SCUBE2: variants seen among roughly 807,000 people sequenced by gnomAD.
The protein encoded by SCUBE2 is signal peptide, CUB domain and EGF like domain containing 2.
In SCUBE2, 114 loss-of-function variants were observed where a neutral mutation model predicts 125.9. That is an observed-to-expected ratio of 0.91 (90% CI 0.78 to 1.06). The LOEUF is 1.06. Among genes scored for constraint, SCUBE2 ranks in the 50% least tolerant of loss-of-function variants. SCUBE2 has a pLI of 0.00. For missense variants in SCUBE2, 1,255 were observed against 1,301.8 expected, an observed-to-expected ratio of 0.96 and a Z score of 0.55; for synonymous variants, 459 against 492.9, an observed-to-expected ratio of 0.93 and a Z score of 0.91.
At chr11:9,067,674 T>A (rs1860376922) in intron 5 of SCUBE2, among the ~76,000 whole-genome samples, 1 of 152,200 alleles carries the variant, frequency 6.6e-6, no homozygotes, top group Non-Finnish European at 1.5e-5. Flanking sequence ...GTTTTTTTCT[T>A]TGTTAATTCC....
intron 14 of SCUBE2, among the ~76,000 whole-genome samples, chr11:9,049,512 C>G (rs1296543914): frequency 1.3e-5 from 2 of 152,160 alleles, no homozygotes; most frequent in Admixed American, 6.5e-5. Context: ...TCCCAAAGTG[C>G]TGAGATTACA....
At chr11:9,039,252 G>A (rs901885977) in intron 16 of SCUBE2, among the ~76,000 whole-genome samples, 3 of 125,074 alleles carry the variant, frequency 2.4e-5, no homozygotes, top group African/African-American at 8.2e-5. Flanking sequence ...TAGAGATGAC[G>A]GTGGCTTGAA....
intron 16 of SCUBE2, among the ~76,000 whole-genome samples, chr11:9,040,843 A>T (rs1857174494): frequency 6.6e-6 from 1 of 152,194 alleles, no homozygotes; most frequent in Non-Finnish European, 1.5e-5. Flanking sequence ...AAAACTTACA[A>T]ATTGTTTATT....
In SCUBE2 at chr11:9,055,915, A is replaced by G. The variant is rs1171476469; in HGVS notation, c.1091-6T>C. ...CAAAGAGCACTCATCCACATCTGTA[A>G]TGGTCAAAGGGAGAGGGGAGCTGAA... is the stretch of plus-strand genomic sequence containing the variant. On this transcript the variant is annotated splice_region_variant and splice_polypyrimidine_tract_variant and intron_variant, in intron 9 of 22. Coordinates refer to ENST00000649792, the MANE Select transcript of SCUBE2 (RefSeq NM_001367977.2). 6.2e-7 allele frequency: 1 copy of G among 1,611,808 alleles called. No individual in the cohort carries two copies.
At position 9,055,853 on chromosome 11, in the gene SCUBE2, CA is replaced by C; in HGVS notation, c.1146del (p.Gly383AlafsTer37). ...CGGTTGCAAGCACAAGCAAATGTGC[CA>C]GGGTGGTTGATGCAGCTGTGGTCAC... is the stretch of plus-strand genomic sequence containing the variant. ...RTCDHSCINHPGTFACACNRG... is the reference protein window; with the variant it reads ...RTCDHSCINHXGTFACACNRG... On this transcript the variant is annotated frameshift_variant, in exon 10 of 23. Transcript: ENST00000649792. LOFTEE classifies it high-confidence loss of function. The C allele has an allele frequency of 6.2e-7, 1 of 1,614,176 alleles. No homozygotes were observed. Among genetic ancestry groups the C allele is most frequent in the South Asian group, 1.1e-5 (1 of 91,076 alleles).
chr11:9,055,829 G>T lies in SCUBE2; in HGVS notation c.1171C>A (p.Arg391=), dbSNP rs545434500. 3 of 1,614,142 alleles carry T rather than the reference G, an allele frequency of 1.9e-6. No individual in the cohort carries two copies. Among genetic ancestry groups the T allele is most frequent in the Non-Finnish European group, 2.5e-6 (3 of 1,180,022 alleles). The change falls in exon 10 of 23, where the codon CGA becomes AGA. Residue 391 remains arginine (R), a synonymous_variant. Coordinates refer to ENST00000649792, the MANE Select transcript of SCUBE2 (RefSeq NM_001367977.2). Reference sequence around the variant, plus strand: ...GTGAAGCCATACAGGGTGTACCCTCGGTTGCAAGCACAAGCAAATGTGCCA... The same window carrying T: ...GTGAAGCCATACAGGGTGTACCCTCTGTTGCAAGCACAAGCAAATGTGCCA... ...HPGTFACACN[R]GYTLYGFTHC...
intron 14 of SCUBE2, 46 bp from the exon 15 acceptor site, chr11:9,048,144 A>G (rs774532909): frequency 6.4e-7 from 1 of 1,566,812 alleles, no homozygotes; most frequent in South Asian, 1.2e-5. Context: ...CTGGCAAAGC[A>G]CTCAGCTGAA....
chr11:9,060,256 C>T (rs1407807575), intron 8 of SCUBE2, 152 bp downstream of exon 8: 2 of 607,906 alleles, frequency 3.3e-6, no homozygotes, highest in Non-Finnish European at 5.9e-6. Flanking sequence ...TCCACTAGCC[C>T]AGGGGGAAAA....
At chr11:9,022,888 G>A (rs1855427301) in intron 21 of SCUBE2, 1 of 151,766 alleles carries the variant, frequency 6.6e-6, no homozygotes, top group Non-Finnish European at 1.5e-5. Flanking sequence ...CTCTATTCTT[G>A]TATTATGTAA....
intron 2 of SCUBE2, among the ~76,000 whole-genome samples, chr11:9,081,396 CTA>C (rs1263703302): frequency 6.6e-6 from 1 of 151,888 alleles, no homozygotes; most frequent in Non-Finnish European, 1.5e-5. Flanking sequence ...CTTTCTGACT[CTA>C]TGATTTTGAC....
At chr11:9,043,977 G>C (rs1215461830) in intron 16 of SCUBE2, among the ~76,000 whole-genome samples, 2 of 152,194 alleles carry the variant, frequency 1.3e-5, no homozygotes, top group Non-Finnish European at 2.9e-5. Flanking sequence ...CAAGTTCTTT[G>C]AGTCGGCCAT....
In SCUBE2 at chr11:9,048,104, T is replaced by C. The variant is rs1289682489; in HGVS notation, c.1640-6A>G. 6.3e-7 allele frequency: 1 copy of C among 1,598,664 alleles called. No individual in the cohort carries two copies. The highest frequency in any genetic ancestry group is 2.2e-5 in the East Asian group (1 of 44,688). On this transcript the variant is annotated splice_region_variant and splice_polypyrimidine_tract_variant and intron_variant, in intron 14 of 22. Transcript: ENST00000649792. Reference sequence around the variant, plus strand: ...TTTTACTGAGCTGTGCTTCTCTGTATGAAGAAACAAAATTATCGGAAGCCA... The same window carrying C: ...TTTTACTGAGCTGTGCTTCTCTGTACGAAGAAACAAAATTATCGGAAGCCA...
At chr11:9,067,871 C>T (rs1199779282) in intron 5 of SCUBE2, among the ~76,000 whole-genome samples, 69 of 145,152 alleles carry the variant, frequency 4.8e-4, no homozygotes, top group African/African-American at 1.6e-3. Flanking sequence ...CCCCCCGCCC[C>T]CTTCAGCAAC....
In SCUBE2 at chr11:9,079,395, T is replaced by C; in HGVS notation, c.371A>G (p.His124Arg). 2.5e-6 allele frequency: 4 copies of C among 1,614,072 alleles called. No homozygotes were observed. Among genetic ancestry groups the C allele is most frequent in the South Asian group, 1.1e-5 (1 of 91,068 alleles). ...FDGFMLAHDG[H>R]NCLDVDECLE... ...AATGCCTTCCTTACCAAGACAATTA[T>C]GACCGTCATGAGCCAACATGAAGCC... Residue 124 changes from histidine to arginine, a missense_variant, in exon 3 of 23, where the codon CAT becomes CGT. His to Arg is a conservative substitution (Grantham distance 29). Around this residue, in one of 3 missense-constraint regions of SCUBE2, gnomAD observed 362 missense variants for 323.0 expected, o/e 1.12. Coordinates refer to ENST00000649792, the MANE Select transcript of SCUBE2 (RefSeq NM_001367977.2).
Position 9,055,859 on chromosome 11 carries a change from G to A in SCUBE2, c.1141C>T (p.His381Tyr), listed in dbSNP as rs1342499797. Residue 381 changes from histidine to tyrosine, a missense_variant, in exon 10 of 23, where the codon CAC becomes TAC. His to Tyr is a moderately conservative substitution (Grantham distance 83). Coordinates refer to ENST00000649792, the MANE Select transcript of SCUBE2 (RefSeq NM_001367977.2). ...DRTCDHSCIN[H>Y]PGTFACACNR... ...CAAGCACAAGCAAATGTGCCAGGGT[G>A]GTTGATGCAGCTGTGGTCACAGGTC... The A allele has an allele frequency of 6.2e-7, 1 of 1,614,198 alleles. No homozygotes were observed. Among genetic ancestry groups the A allele is most frequent in the South Asian group, 1.1e-5 (1 of 91,082 alleles).
At chr11:9,072,740 G>A (rs144081911) in intron 4 of SCUBE2, among the ~76,000 whole-genome samples, 3 of 152,268 alleles carry the variant, frequency 2.0e-5, no homozygotes, top group South Asian at 2.1e-4. Context: ...AGACCACAAC[G>A]CAAATTCTTA....
intron 16 of SCUBE2, among the ~76,000 whole-genome samples, chr11:9,034,849 A>G (rs557794987): frequency 6.6e-6 from 1 of 152,214 alleles, no homozygotes; most frequent in African/African-American, 2.4e-5. Flanking sequence ...CAGAAAAATT[A>G]GCTGGGTGTG....
chr11:9,025,929 C>G, intron 20 of SCUBE2, 75 bp from the exon 21 acceptor site: 1 of 1,442,428 alleles, frequency 6.9e-7, no homozygotes, highest in East Asian at 2.3e-5. Context: ...GCTCATCTTT[C>G]TAAACACTCA....
chr11:9,060,561 A>G (rs1322373631), intron 7 of SCUBE2, 37 bp from the exon 8 acceptor site: 2 of 1,558,396 alleles, frequency 1.3e-6, no homozygotes, highest in Admixed American at 3.3e-5. Context: ...TAGCTTCCCA[A>G]AGAAGTGCTG....
Sources: allele counts gnomAD v4.1 joint callset (sites outside exome capture counted in the v4.1 genomes callset), GRCh38; gene constraint gnomAD v4.1.1; regional missense constraint gnomAD v4.1.1; transcripts MANE v1.5; gene names NCBI Gene and HGNC (gene_info 2026-07-23, HGNC 2026-07-21).